Variants in CYFIP1 observed in about 807,000 individuals in gnomAD.
The protein encoded by CYFIP1 is cytoplasmic FMR1-interacting protein 1.
In CYFIP1, 58 loss-of-function variants were observed where a neutral mutation model predicts 163.5. The observed-to-expected ratio is 0.35, with a 90% confidence interval of 0.29 to 0.44. The LOEUF is 0.44. Ranked by LOEUF, CYFIP1 falls within the 20% of genes least tolerant of loss-of-function variation. CYFIP1 has a pLI of 1.00. For synonymous variants in CYFIP1, 663 were observed against 660.7 expected (o/e 1.00, Z -0.05); for missense variants, 1,338 against 1,653.8 (o/e 0.81, Z 3.31).
Position 22,869,461 on chromosome 15 carries a change from C to CAAAT in CYFIP1, c.*563_*566dup, listed in dbSNP as rs1222362172. The CAAAT allele has an allele frequency of 6.6e-6, 1 of 152,112 alleles. No homozygotes were observed. The highest frequency in any genetic ancestry group is 2.4e-5 in the African/African-American group (1 of 41,378). The allele number at this position is 152,112 out of a possible 1,614,324, so 9.4% of individuals were successfully genotyped here. A position where few individuals can be genotyped will look rare whatever the true frequency, so the allele number is the denominator to read the frequency against. On this transcript the variant is annotated 3_prime_UTR_variant, in exon 31 of 31. Transcript: ENST00000617928. ...CAGGGTTAGAGTAAATAAATGAACACAAATAGATCTCATTAGTTTTATTTC... is the reference window on the plus strand; with the variant it reads ...CAGGGTTAGAGTAAATAAATGAACACAAATAAATAGATCTCATTAGTTTTATTTC...
chr15:22,910,139 A>G (rs758753878), intron 20 of CYFIP1, among the ~76,000 whole-genome samples: 4 of 152,166 alleles, frequency 2.6e-5, no homozygotes, highest in African/African-American at 2.4e-5. Context: ...CTAGCTAGCT[A>G]TAAGAAATCT....
Position 22,875,174 on chromosome 15 carries a change from C to T in CYFIP1, c.3115+25G>A, listed in dbSNP as rs901923781. On this transcript the variant is annotated intron_variant, in intron 27 of 30. Transcript: ENST00000617928. ...ACCCCCACAGAGGGCAGTCTGGACT[C>T]CCTGGTGGGGGTCAGCAGGCTCACC... 7 of 1,612,644 alleles carry T rather than the reference C, an allele frequency of 4.3e-6. No individual in the cohort carries two copies. In the South Asian group the frequency reaches 6.6e-5, roughly 15 times the overall value.
chr15:22,909,065 C>T (rs2060691379), intron 21 of CYFIP1, 129 bp downstream of exon 21: 1 of 1,200,082 alleles, frequency 8.3e-7, no homozygotes. Flanking sequence ...GTGAGTGCAT[C>T]TCTTTTATTA....
chr15:22,932,215 G>A lies in CYFIP1; in HGVS notation c.1110+8C>T. The A allele has an allele frequency of 6.2e-7, 1 of 1,603,594 alleles. No individual in the cohort carries two copies. Among genetic ancestry groups the A allele is most frequent in the South Asian group, 1.1e-5 (1 of 89,896 alleles). ...GGTGCCTGTGCAGCTCCAGGTCGCG[G>A]GGCGCACCTCGCTGTTGCTGTAGCG... is the stretch of plus-strand genomic sequence containing the variant. On this transcript the variant is annotated splice_region_variant and intron_variant, in intron 11 of 30. Coordinates refer to ENST00000617928, the MANE Select transcript of CYFIP1 (RefSeq NM_014608.6).
chr15:22,964,274 CCACACACACACACACACA>C (rs60879784), intron 1 of CYFIP1, among the ~76,000 whole-genome samples: 3 of 97,154 alleles, frequency 3.1e-5, no homozygotes, highest in African/African-American at 4.1e-5. Context: ...CTCCTCCTCA[CCACACACACACACACACA>C]CACACACACA....
chr15:22,915,609 C>T (rs575805488), intron 16 of CYFIP1, among the ~76,000 whole-genome samples: 12 of 152,136 alleles, frequency 7.9e-5, no homozygotes, highest in African/African-American at 2.9e-4. Flanking sequence ...ATTAGCCAGG[C>T]GCAGTGGTGA....
chr15:22,936,423 C>T (rs937718216), intron 9 of CYFIP1, among the ~76,000 whole-genome samples: 6 of 152,106 alleles, frequency 3.9e-5, no homozygotes, highest in Non-Finnish European at 5.9e-5. Flanking sequence ...AAACACTAGC[C>T]AATACAATGA....
At chr15:22,956,546 C>CA (rs1421455387) in intron 1 of CYFIP1, among the ~76,000 whole-genome samples, 1 of 152,110 alleles carries the variant, frequency 6.6e-6, no homozygotes, top group African/African-American at 2.4e-5. Context: ...CCTGGGAGAA[C>CA]ACAGGCCCCG....
chr15:22,962,396 T>A (rs2062712616), intron 1 of CYFIP1, among the ~76,000 whole-genome samples: 1 of 133,486 alleles, frequency 7.5e-6, no homozygotes. Context: ...ATTCTTCTTT[T>A]TTTTCTTTTT....
At chr15:22,905,595 T>C (rs900459835) in intron 21 of CYFIP1, among the ~76,000 whole-genome samples, 2 of 149,098 alleles carry the variant, frequency 1.3e-5, no homozygotes, top group African/African-American at 2.5e-5. Context: ...TGTGCCACCA[T>C]GCCTGGTTAA....
rs1332973871 is a variant in CYFIP1, at chr15:22,867,384, AC to A, written c.*2643del. On this transcript the variant is annotated 3_prime_UTR_variant, in exon 31 of 31. Transcript: ENST00000617928. ...TACTGAATGAAGGAACCTCTTTCTT[AC>A]AAAACAAAAAAAAGGGCAGAAATCA... 4 of 389,648 alleles carry A rather than the reference AC, an allele frequency of 1.0e-5. No homozygotes were observed. The highest frequency in any genetic ancestry group is 1.8e-5 in the Non-Finnish European group (4 of 221,210). The allele number at this position is 389,648 out of a possible 1,614,324, so 24.1% of individuals were successfully genotyped here. A position where few individuals can be genotyped will look rare whatever the true frequency, so the allele number is the denominator to read the frequency against.
rs577684549 is a variant in CYFIP1, at chr15:22,909,662, T to A, written c.2269-349A>T. Among the ~76,000 whole-genome samples, 160 of 152,342 alleles carry A rather than the reference T, an allele frequency of 1.1e-3. 1 individual carries two copies. The highest frequency in any genetic ancestry group is 1.7e-3 in the Admixed American group (26 of 15,304). On this transcript the variant is annotated intron_variant, in intron 20 of 30. Coordinates refer to ENST00000617928, the MANE Select transcript of CYFIP1 (RefSeq NM_014608.6). ...GAGTAGAATTAAATGCAATTTTTTTTAGTTTTCCATATTTTACTAACTAGT... is the reference window on the plus strand; with the variant it reads ...GAGTAGAATTAAATGCAATTTTTTTAAGTTTTCCATATTTTACTAACTAGT...
chr15:22,964,398 CA>C lies in CYFIP1; in HGVS notation c.-7+15888del, dbSNP rs1595720390. Among the ~76,000 whole-genome samples the C allele has an allele frequency of 5.5e-5, 8 of 145,822 alleles. No homozygotes were observed. The South Asian group carries it at 1.5e-3, about 28-fold the overall frequency. On this transcript the variant is annotated intron_variant, in intron 1 of 30. Coordinates refer to ENST00000617928, the MANE Select transcript of CYFIP1 (RefSeq NM_014608.6). ...ACACACACACACACACACACACACA[CA>C]CACACACACCCGGCAGCCCTGCCAG...
At chr15:22,922,388 C>T (rs1246744767) in intron 13 of CYFIP1, among the ~76,000 whole-genome samples, 1 of 152,236 alleles carries the variant, frequency 6.6e-6, no homozygotes, top group South Asian at 2.1e-4. Flanking sequence ...TGTCACACAT[C>T]ATCGCTGGGA....
intron 1 of CYFIP1, among the ~76,000 whole-genome samples, chr15:22,952,452 G>A (rs2062285566): frequency 1.3e-5 from 2 of 151,804 alleles, no homozygotes; most frequent in Non-Finnish European, 1.5e-5. Flanking sequence ...TCAGGAGTTC[G>A]AGACCAGCCT....
intron 22 of CYFIP1, among the ~76,000 whole-genome samples, chr15:22,898,606 C>T (rs1178242013): frequency 6.6e-6 from 1 of 152,070 alleles, no homozygotes; most frequent in Non-Finnish European, 1.5e-5. Context: ...ATGATCACAG[C>T]TCACTACAGC....
intron 23 of CYFIP1, among the ~76,000 whole-genome samples, chr15:22,889,034 G>GT (rs2059997531): frequency 6.8e-6 from 1 of 147,464 alleles, no homozygotes; most frequent in South Asian, 2.2e-4. Context: ...GACAGACTCT[G>GT]TCTCAAAAAA....
intron 17 of CYFIP1, among the ~76,000 whole-genome samples, chr15:22,912,621 C>A (rs4457961): frequency 0.66 from 100,610 of 152,178 alleles, 34,084 homozygotes; most frequent in African/African-American, 0.8. Flanking sequence ...TTCTTATTTC[C>A]AGAATGAACT....
At chr15:22,974,593 T>G (rs1452711059) in intron 1 of CYFIP1, among the ~76,000 whole-genome samples, 5 of 151,988 alleles carry the variant, frequency 3.3e-5, no homozygotes, top group Non-Finnish European at 7.4e-5. Flanking sequence ...TAGTCAGGCT[T>G]GGTGGCACCT....
Sources: allele counts gnomAD v4.1 joint callset (sites outside exome capture counted in the v4.1 genomes callset), GRCh38; gene constraint gnomAD v4.1.1; transcripts MANE v1.5; gene names NCBI Gene and HGNC (gene_info 2026-07-23, HGNC 2026-07-21).